The following SLC16A7 variants were observed in gnomAD, a reference collection of about 807,000 sequenced individuals.
SLC16A7 encodes monocarboxylate transporter 2.
A neutral mutation model predicts 34.9 loss-of-function variants in SLC16A7; 33 were observed. The ratio of observed to expected loss-of-function variants is 0.94; its 90% CI spans 0.72 to 1.26. The LOEUF is 1.26. Among genes scored for constraint, SLC16A7 ranks in the 50% most tolerant of loss-of-function variants. SLC16A7 has a pLI of 0.00. For missense variants in SLC16A7, 573 were observed against 578.1 expected, an observed-to-expected ratio of 0.99 and a Z score of 0.09; for synonymous variants, 201 against 206.6, an observed-to-expected ratio of 0.97 and a Z score of 0.23.
intron 1 of SLC16A7, among the ~76,000 whole-genome samples, chr12:59,611,274 A>G (rs538138626): frequency 6.6e-6 from 1 of 152,356 alleles, no homozygotes; most frequent in African/African-American, 2.4e-5. Flanking sequence ...AGAAGGGGGA[A>G]GCAAACATGT....
rs1401442405 is a variant in SLC16A7, at chr12:59,671,871, G to GTATATA, written c.-31+16622_-31+16623insATATAT. On this transcript the variant is annotated intron_variant, in intron 2 of 5. Coordinates refer to ENST00000547379, the MANE Select transcript of SLC16A7 (RefSeq NM_001270623.2). Reference sequence around the variant, plus strand: ...TATATATATGTGTATATGTATATATGTGTATATATGTATATATGTACATAT... The same window carrying GTATATA: ...TATATATATGTGTATATGTATATATGTATATATGTATATATGTATATATGTACATAT... Among the ~76,000 whole-genome samples the GTATATA allele has an allele frequency of 2.0e-5, 2 of 97,846 alleles. 1 individual carries two copies. Among genetic ancestry groups the GTATATA allele is most frequent in the African/African-American group, 7.6e-5 (2 of 26,160 alleles). The allele number at this position is 97,846 out of a possible 152,430, so 64.2% of individuals were successfully genotyped here.
intron 3 of SLC16A7, among the ~76,000 whole-genome samples, chr12:59,716,877 T>C (rs1382264024): frequency 6.6e-6 from 1 of 152,004 alleles, no homozygotes; most frequent in Non-Finnish European, 1.5e-5. Context: ...ATAAAAGAAT[T>C]ATCTATAAAT....
At chr12:59,654,073 G>A (rs1868410509) in intron 1 of SLC16A7, among the ~76,000 whole-genome samples, 1 of 151,094 alleles carries the variant, frequency 6.6e-6, no homozygotes, top group Admixed American at 6.6e-5. Flanking sequence ...ACTGTCTTAA[G>A]TAGCAATATT....
chr12:59,630,874 C>T (rs1303802358), intron 1 of SLC16A7, among the ~76,000 whole-genome samples: 1 of 151,758 alleles, frequency 6.6e-6, no homozygotes, highest in Non-Finnish European at 1.5e-5. Flanking sequence ...TGCTTTTTGT[C>T]AAATTGCATA....
intron 3 of SLC16A7, among the ~76,000 whole-genome samples, chr12:59,722,936 G>A (rs1312320705): frequency 3.3e-5 from 5 of 151,816 alleles, no homozygotes; most frequent in African/African-American, 1.2e-4. Flanking sequence ...AACACTTGAA[G>A]CTAGTCTGAG....
intron 2 of SLC16A7, among the ~76,000 whole-genome samples, chr12:59,697,292 A>G (rs764124228): frequency 3.3e-5 from 5 of 152,036 alleles, no homozygotes; most frequent in Non-Finnish European, 7.4e-5. Context: ...ATTGTCATTC[A>G]GAACCATTAA....
chr12:59,700,416 A>G lies in SLC16A7; in HGVS notation c.-30-4356A>G, dbSNP rs965200518. Among the ~76,000 whole-genome samples the G allele has an allele frequency of 8.6e-5, 13 of 150,728 alleles. No homozygotes were observed. The East Asian group carries it at 2.5e-3, about 29-fold the overall frequency. On this transcript the variant is annotated intron_variant, in intron 2 of 5. Transcript: ENST00000547379. ...AAATTTAAAAACTGTTTCCAAGATT[A>G]TATATGTCATATGCATATTATTACA...
chr12:59,650,567 G>C (rs766162077), intron 1 of SLC16A7, among the ~76,000 whole-genome samples: 13 of 152,162 alleles, frequency 8.5e-5, no homozygotes, highest in Non-Finnish European at 1.2e-4. Flanking sequence ...GAGGACTAGA[G>C]TGCCCATTTT....
rs960196343 is a variant in SLC16A7, at chr12:59,785,676, A to G, written c.*5997A>G. ...TCTACATGTTTTTCAGTCTCCATAT[A>G]TACTTGTTAATAAGGTGAGCAATAT... is the stretch of plus-strand genomic sequence containing the variant. On this transcript the variant is annotated 3_prime_UTR_variant, in exon 6 of 6. Transcript: ENST00000547379. 2 of 152,096 alleles carry G rather than the reference A, an allele frequency of 1.3e-5. No individual in the cohort carries two copies. Among genetic ancestry groups the G allele is most frequent in the African/African-American group, 4.8e-5 (2 of 41,426 alleles). The allele number at this position is 152,096 out of a possible 1,614,324, so 9.4% of individuals were successfully genotyped here.
rs192939188 is a variant in SLC16A7 at position 59,784,543 on chromosome 12, C to T, written c.*4864C>T. 2.6e-5 allele frequency: 4 copies of T among 152,240 alleles called. No individual in the cohort carries two copies. Among genetic ancestry groups the T allele is most frequent in the East Asian group, 3.9e-4 (2 of 5,178 alleles). 9.4% of individuals were successfully genotyped at this position (152,240 alleles called of 1,614,324 possible). ...TTTTCATCATTTAATACAACTTACC[C>T]TACACCGTAGCTTATTTTTCAAGTT... On this transcript the variant is annotated 3_prime_UTR_variant, in exon 6 of 6. Transcript: ENST00000547379.
chr12:59,620,509 A>T (rs1592399008), intron 1 of SLC16A7, among the ~76,000 whole-genome samples: 1 of 151,918 alleles, frequency 6.6e-6, no homozygotes, highest in Non-Finnish European at 1.5e-5. Flanking sequence ...TTATTTTTGC[A>T]TTTCTGTCAG....
intron 2 of SLC16A7, among the ~76,000 whole-genome samples, chr12:59,673,696 G>A (rs1870078912): frequency 6.6e-6 from 1 of 151,942 alleles, no homozygotes; most frequent in African/African-American, 2.4e-5. Context: ...ACTTAATATT[G>A]GAACAGGTTT....
chr12:59,777,702 T>C (rs1882898013), intron 5 of SLC16A7, among the ~76,000 whole-genome samples: 1 of 152,128 alleles, frequency 6.6e-6, no homozygotes, highest in African/African-American at 2.4e-5. Context: ...GTGCACAATG[T>C]GCAGGTTAGT....
intron 3 of SLC16A7, chr12:59,720,339 C>A: frequency 2.1e-6 from 1 of 468,894 alleles, no homozygotes; most frequent in Non-Finnish European, 3.7e-6. Flanking sequence ...TAATTAGTAC[C>A]CATAACAACA....
intron 2 of SLC16A7, among the ~76,000 whole-genome samples, chr12:59,667,434 G>A (rs1284980951): frequency 2.6e-5 from 4 of 152,196 alleles, no homozygotes; most frequent in African/African-American, 9.6e-5. Context: ...CCAGGCTGAA[G>A]TGGTCTCAGA....
At chr12:59,618,603 T>A (rs1879561932) in intron 1 of SLC16A7, among the ~76,000 whole-genome samples, 1 of 151,998 alleles carries the variant, frequency 6.6e-6, no homozygotes, top group African/African-American at 2.4e-5. Flanking sequence ...TCTTGTAAAG[T>A]AGAATGCTCC....
intron 2 of SLC16A7, among the ~76,000 whole-genome samples, chr12:59,678,974 G>A (rs1274479229): frequency 6.6e-6 from 1 of 152,190 alleles, no homozygotes; most frequent in African/African-American, 2.4e-5. Context: ...ACCCAGCTGG[G>A]TTGCAACAGT....
At chr12:59,727,951 A>T (rs1036681015) in intron 3 of SLC16A7, among the ~76,000 whole-genome samples, 3 of 152,172 alleles carry the variant, frequency 2.0e-5, no homozygotes, top group African/African-American at 7.2e-5. Flanking sequence ...AGCCACATGT[A>T]TACTGATGTC....
At chr12:59,653,035 C>G (rs1023898697) in intron 1 of SLC16A7, among the ~76,000 whole-genome samples, 2 of 151,806 alleles carry the variant, frequency 1.3e-5, no homozygotes, top group Non-Finnish European at 3.0e-5. Context: ...TGTCAAATTA[C>G]TGTTTATTGT....
Sources: allele counts gnomAD v4.1 joint callset (sites outside exome capture counted in the v4.1 genomes callset), GRCh38; gene constraint gnomAD v4.1.1; transcripts MANE v1.5; gene names NCBI Gene and HGNC (gene_info 2026-07-23, HGNC 2026-07-21).